Variants in SP100 observed in about 807,000 individuals in gnomAD.
The protein encoded by SP100 is nuclear autoantigen Sp-100.
In SP100, 84 loss-of-function variants were observed where a neutral mutation model predicts 130.0. That is an observed-to-expected ratio of 0.65 (90% CI 0.54 to 0.77). The LOEUF (loss-of-function observed/expected upper bound fraction) is 0.77, where lower values mean the gene tolerates loss of function less well. Among genes scored for constraint, SP100 ranks in the 30% least tolerant of loss-of-function variants. The pLI is 0.00. For synonymous variants in SP100, 331 were observed against 351.7 expected (o/e 0.94, Z 0.66); for missense variants, 978 against 1,052.2 (o/e 0.93, Z 0.97).
intron 24 of SP100, among the ~76,000 whole-genome samples, chr2:230,511,660 GAC>G (rs1190294506): frequency 6.6e-6 from 1 of 152,102 alleles, no homozygotes; most frequent in Non-Finnish European, 1.5e-5. Flanking sequence ...TGCAGAGGAA[GAC>G]ACACACGAAA....
chr2:230,508,185 T>G, intron 23 of SP100, 154 bp downstream of exon 23: 2 of 1,312,588 alleles, frequency 1.5e-6, no homozygotes, highest in Non-Finnish European at 1.0e-6. Context: ...CATTATTCAA[T>G]GTATAAGTCC....
Position 230,469,082 on chromosome 2 carries a change from C to T in SP100, c.1331C>T (p.Pro444Leu), listed in dbSNP as rs768617156. The change falls in exon 14 of 29, where the codon CCC becomes CTC. Residue 444 changes from proline to leucine, a missense_variant. Coordinates refer to ENST00000340126, the MANE Select transcript of SP100 (RefSeq NM_001080391.2). ...TSRSTSTWRI[P>L]SRKRRFSSSD... The stretch of plus-strand genomic sequence containing the variant: ...AGAAGTACATCTACTTGGAGAATAC[C>T]CAGCAGGAAGAGACGTAAGAGCAAT... 3.8e-6 allele frequency: 6 copies of T among 1,597,840 alleles called. No homozygotes were observed. Among genetic ancestry groups the T allele is most frequent in the Non-Finnish European group, 5.1e-6 (6 of 1,167,760 alleles).
chr2:230,441,229 A>T (rs959144467), intron 2 of SP100, among the ~76,000 whole-genome samples: 6 of 152,238 alleles, frequency 3.9e-5, no homozygotes, highest in African/African-American at 1.4e-4. Flanking sequence ...TCATTTTATC[A>T]TTAAAGAAAT....
In SP100 at chr2:230,444,170, T is replaced by G. The variant is rs752118604; in HGVS notation, c.271-8T>G. On this transcript the variant is annotated splice_region_variant and splice_polypyrimidine_tract_variant and intron_variant, in intron 3 of 28. Coordinates refer to ENST00000340126, the MANE Select transcript of SP100 (RefSeq NM_001080391.2). ...TATTTATATTTTCTCCATTCAATAT[T>G]TTTTAAGGATTCTCAAGATTCTTGT... 6 of 1,553,306 alleles carry G rather than the reference T, an allele frequency of 3.9e-6. No homozygotes were observed. In the Admixed American group the frequency reaches 1.2e-4, roughly 32 times the overall value.
At chr2:230,450,023 G>T in intron 7 of SP100, 149 bp from the exon 8 acceptor site, 1 of 629,858 alleles carries the variant, frequency 1.6e-6, no homozygotes, top group Non-Finnish European at 2.8e-6. Context: ...AATCAATGAA[G>T]CACGAACACC....
rs116484167 is a variant in SP100, at chr2:230,494,348, G to A, written c.1601-68G>A. Reference sequence around the variant, plus strand: ...CAAAATTCAATGCTTGTAAACTATTGACATATAAAGTGTGTAAATCTTTGT... The same window carrying A: ...CAAAATTCAATGCTTGTAAACTATTAACATATAAAGTGTGTAAATCTTTGT... On this transcript the variant is annotated intron_variant, in intron 17 of 28. Coordinates refer to ENST00000340126, the MANE Select transcript of SP100 (RefSeq NM_001080391.2). 1.4e-3 allele frequency: 1,654 copies of A among 1,172,002 alleles called. 3 individuals carry two copies. Among genetic ancestry groups the A allele is most frequent in the Non-Finnish European group, 2.0e-3 (1,546 of 786,686 alleles). 72.6% of individuals were successfully genotyped at this position (1,172,002 alleles called of 1,614,324 possible).
At chr2:230,496,830 A>G (rs1190836496) in intron 18 of SP100, among the ~76,000 whole-genome samples, 1 of 152,202 alleles carries the variant, frequency 6.6e-6, no homozygotes, top group Non-Finnish European at 1.5e-5. Context: ...CAGACAGAAT[A>G]TCTCTCAAGA....
chr2:230,531,413 T>C (rs1691695748), intron 24 of SP100, among the ~76,000 whole-genome samples: 1 of 146,694 alleles, frequency 6.8e-6, no homozygotes, highest in African/African-American at 2.5e-5. Flanking sequence ...CACCGGGGCC[T>C]GTTGGGGGGT....
At chr2:230,461,151 G>A (rs2064598108) in intron 8 of SP100, 111 bp from the exon 9 acceptor site, 2 of 956,704 alleles carry the variant, frequency 2.1e-6, no homozygotes, top group Non-Finnish European at 3.2e-6. Context: ...ACACGGAGGT[G>A]GGGTGAAGGT....
intron 24 of SP100, among the ~76,000 whole-genome samples, chr2:230,524,726 G>A (rs762966763): frequency 2.0e-5 from 3 of 152,150 alleles, no homozygotes; most frequent in Admixed American, 2.0e-4. Context: ...TTAAGAAAAG[G>A]TTATGATATG....
intron 2 of SP100, among the ~76,000 whole-genome samples, chr2:230,438,749 C>T (rs1248722502): frequency 6.6e-5 from 10 of 150,554 alleles, no homozygotes; most frequent in Admixed American, 6.6e-4. Flanking sequence ...TATCACATTT[C>T]TTTATCTACT....
chr2:230,452,913 C>G (rs551567831), intron 8 of SP100, among the ~76,000 whole-genome samples: 30 of 145,986 alleles, frequency 2.1e-4, no homozygotes, highest in African/African-American at 7.6e-4. Flanking sequence ...TTCTTCCTTT[C>G]CAATTTGAAT....
At position 230,542,852 on chromosome 2, in the gene SP100, G is replaced by C; in HGVS notation, c.2564G>C (p.Arg855Thr). The change falls in exon 29 of 29, where the codon AGA becomes ACA. Residue 855 changes from arginine to threonine, a missense_variant. Transcript: ENST00000340126. ...KEFYREDKFT[R>T]LGIQVQDIFE... is the part of the protein sequence containing the mutation. The stretch of plus-strand genomic sequence containing the variant: ...CTTTTTTAGGAAGATAAATTCACCA[G>C]ACTGGGAATTCAAGTACAGGACATC... 1 of 1,607,788 alleles carries C rather than the reference G, an allele frequency of 6.2e-7. No individual in the cohort carries two copies.
At chr2:230,497,488 G>GAGGAGAGGAGAGGA (rs2066736663) in intron 18 of SP100, among the ~76,000 whole-genome samples, 3 of 32,476 alleles carry the variant, frequency 9.2e-5, no homozygotes, top group African/African-American at 2.8e-4. Flanking sequence ...GGAGGGGAGG[G>GAGGAGAGGAGAGGA]GAGGAGAGGA....
intron 2 of SP100, among the ~76,000 whole-genome samples, chr2:230,438,760 C>A (rs547862418): frequency 6.6e-6 from 1 of 151,628 alleles, no homozygotes; most frequent in Non-Finnish European, 1.5e-5. Flanking sequence ...TTTATCTACT[C>A]ATTGATTAGT....
chr2:230,506,648 T>A, intron 22 of SP100: 1 of 483,128 alleles, frequency 2.1e-6, no homozygotes, highest in Non-Finnish European at 3.6e-6. Context: ...AGTACTTTAT[T>A]TCTTACCCTT....
intron 17 of SP100, among the ~76,000 whole-genome samples, chr2:230,483,829 C>A (rs1246918333): frequency 1.3e-5 from 2 of 152,072 alleles, no homozygotes; most frequent in African/African-American, 4.8e-5. Context: ...AATATTGGAC[C>A]ATTGCTTCTA....
At chr2:230,427,052 T>C (rs2062952305) in intron 2 of SP100, among the ~76,000 whole-genome samples, 1 of 152,204 alleles carries the variant, frequency 6.6e-6, no homozygotes, top group African/African-American at 2.4e-5. Context: ...TTTCATTTGG[T>C]ATAAATATAG....
intron 24 of SP100, among the ~76,000 whole-genome samples, chr2:230,520,177 G>T (rs1371062042): frequency 6.6e-6 from 1 of 152,200 alleles, no homozygotes; most frequent in Non-Finnish European, 1.5e-5. Context: ...AAGCTTGCCA[G>T]CTGAGCGAAA....
Sources: allele counts gnomAD v4.1 joint callset (sites outside exome capture counted in the v4.1 genomes callset), GRCh38; gene constraint gnomAD v4.1.1; transcripts MANE v1.5; gene names NCBI Gene and HGNC (gene_info 2026-07-23, HGNC 2026-07-21).